Variants in CNTLN observed in about 807,000 individuals in gnomAD.
CNTLN encodes centlein, centrosomal protein.
CNTLN carries 212 observed loss-of-function variants against 180.0 expected under a neutral mutation model. The observed-to-expected ratio is 1.18, with a 90% confidence interval of 1.05 to 1.32. The LOEUF (loss-of-function observed/expected upper bound fraction) is 1.32. Among genes scored for constraint, CNTLN ranks in the 40% most tolerant of loss-of-function variants. CNTLN has a pLI of 0.00. For missense variants in CNTLN, 2,095 were observed against 1,610.9 expected, an observed-to-expected ratio of 1.30 and a Z score of -5.14; for synonymous variants, 722 against 563.1, an observed-to-expected ratio of 1.28 and a Z score of -3.99.
intron 13 of CNTLN, among the ~76,000 whole-genome samples, chr9:17,382,796 G>A (rs936309678): frequency 6.6e-6 from 1 of 151,994 alleles, no homozygotes. Flanking sequence ...CTCTTATTTA[G>A]TGACTTCTGC....
intron 18 of CNTLN, among the ~76,000 whole-genome samples, chr9:17,424,788 G>A: frequency 6.6e-6 from 1 of 152,184 alleles, no homozygotes; most frequent in East Asian, 1.9e-4. Flanking sequence ...GAGCTGACTG[G>A]CACACTCTTG....
At chr9:17,320,883 A>G (rs7028593) in intron 8 of CNTLN, among the ~76,000 whole-genome samples, 86,522 of 152,024 alleles carry the variant, frequency 0.57, 25,133 homozygotes, top group East Asian at 0.73. Flanking sequence ...GTCAAAGATT[A>G]TGAACCTAAG....
At chr9:17,294,569 C>T (rs980780880) in intron 6 of CNTLN, among the ~76,000 whole-genome samples, 1 of 150,426 alleles carries the variant, frequency 6.6e-6, no homozygotes, top group African/African-American at 2.5e-5. Context: ...CTTAGCTAGA[C>T]ATAAAGGTTC....
chr9:17,409,377 A>G lies in CNTLN; in HGVS notation c.2700A>G (p.Gly900=). The G allele has an allele frequency of 1.2e-6, 2 of 1,613,342 alleles. No individual in the cohort carries two copies. The highest frequency in any genetic ancestry group is 1.7e-6 in the Non-Finnish European group (2 of 1,179,468). Residue 900 remains glycine (G), a synonymous_variant, in exon 16 of 26, where the codon GGA becomes GGG. Coordinates refer to ENST00000380647, the MANE Select transcript of CNTLN (RefSeq NM_017738.4). ...AGAAAATAAGTCCTACGGAAGATGG[A>G]AAAGACCAGAAAGAAAGTGATCCAA... ...TSQKISPTED[G]KDQKESDPTE...
intron 18 of CNTLN, among the ~76,000 whole-genome samples, chr9:17,424,328 T>A (rs763040385): frequency 2.0e-5 from 3 of 152,196 alleles, no homozygotes; most frequent in Non-Finnish European, 4.4e-5. Flanking sequence ...GTGTTACTCA[T>A]AATTTAATTG....
chr9:17,264,355 G>A (rs1372779562), intron 5 of CNTLN, among the ~76,000 whole-genome samples: 2 of 151,704 alleles, frequency 1.3e-5, no homozygotes, highest in African/African-American at 4.9e-5. Context: ...GATAGTTGTA[G>A]ATATGCAGCG....
At chr9:17,362,214 C>G (rs1347392583) in intron 12 of CNTLN, among the ~76,000 whole-genome samples, 1 of 152,166 alleles carries the variant, frequency 6.6e-6, no homozygotes, top group East Asian at 1.9e-4. Context: ...ATCTGAGAGC[C>G]AAGGAAAACT....
At chr9:17,307,270 T>C (rs1177177893) in intron 7 of CNTLN, among the ~76,000 whole-genome samples, 2 of 140,272 alleles carry the variant, frequency 1.4e-5, no homozygotes, top group Non-Finnish European at 3.0e-5. Flanking sequence ...TATCGATAGA[T>C]AATTTTATTT....
chr9:17,387,463 A>G (rs1193988493), intron 13 of CNTLN, among the ~76,000 whole-genome samples: 1 of 152,136 alleles, frequency 6.6e-6, no homozygotes, highest in Non-Finnish European at 1.5e-5. Context: ...TTTAGTATTA[A>G]CTGAAGTTTT....
chr9:17,271,820 T>C (rs1434690870), intron 5 of CNTLN, among the ~76,000 whole-genome samples: 1 of 152,236 alleles, frequency 6.6e-6, no homozygotes, highest in Non-Finnish European at 1.5e-5. Context: ...CCATCAGCTT[T>C]GGCTGGATTA....
intron 13 of CNTLN, among the ~76,000 whole-genome samples, chr9:17,384,498 G>C (rs1304293110): frequency 6.6e-6 from 1 of 152,130 alleles, no homozygotes; most frequent in Non-Finnish European, 1.5e-5. Flanking sequence ...TCTCCAGAAA[G>C]AGGTGCCAAG....
At chr9:17,182,368 C>A (rs1040719678) in intron 2 of CNTLN, among the ~76,000 whole-genome samples, 1 of 151,984 alleles carries the variant, frequency 6.6e-6, no homozygotes, top group Non-Finnish European at 1.5e-5. Flanking sequence ...AAAGGAAAAC[C>A]CAGGGAACTT....
At chr9:17,291,101 TA>T (rs1829372293) in intron 6 of CNTLN, among the ~76,000 whole-genome samples, 1 of 152,206 alleles carries the variant, frequency 6.6e-6, no homozygotes, top group Admixed American at 6.5e-5. Context: ...AGTTTCCATG[TA>T]GTTGTGTGGT....
Position 17,394,863 on chromosome 9 carries a change from C to A in CNTLN, c.2409C>A (p.Asp803Glu). The change falls in exon 15 of 26, where the codon GAC (aspartate) becomes GAA (glutamate). Residue 803 changes from aspartate to glutamate, a missense_variant. Physicochemically the swap from Asp to Glu is conservative, Grantham distance 45. Transcript: ENST00000380647. ...NPMEKSHQSA[D>E]RAKSEMATMK... ...TGGAGAAATCACACCAGTCAGCAGACAGAGCTAAATCCGAGATGGCCACCA... is the reference window on the plus strand; with the variant it reads ...TGGAGAAATCACACCAGTCAGCAGAAAGAGCTAAATCCGAGATGGCCACCA... The A allele has an allele frequency of 1.2e-6, 2 of 1,613,962 alleles. No homozygotes were observed. The highest frequency in any genetic ancestry group is 1.7e-6 in the Non-Finnish European group (2 of 1,179,944).
the CNTLN span, among the ~76,000 whole-genome samples, chr9:17,514,682 T>C: frequency 1.3e-5 from 2 of 152,212 alleles, no homozygotes; most frequent in African/African-American, 4.8e-5. Context: ...GTGTACTGGT[T>C]TTTGAAGGGA....
At chr9:17,356,077 A>AAAAAAAG (rs1564023843) in intron 12 of CNTLN, among the ~76,000 whole-genome samples, 1 of 64,178 alleles carries the variant, frequency 1.6e-5, no homozygotes. Context: ...AAAAAAAAAA[A>AAAAAAAG]AAAAGAAAAA....
chr9:17,192,970 C>G (rs1047330645), intron 2 of CNTLN, among the ~76,000 whole-genome samples: 1 of 152,092 alleles, frequency 6.6e-6, no homozygotes, highest in Admixed American at 6.5e-5. Flanking sequence ...GCAAAAGGCA[C>G]TTCTTACTTG....
intron 2 of CNTLN, among the ~76,000 whole-genome samples, chr9:17,186,195 T>G (rs1821426275): frequency 6.6e-6 from 1 of 152,230 alleles, no homozygotes; most frequent in African/African-American, 2.4e-5. Flanking sequence ...CACATGTTCA[T>G]GCACACTGAG....
chr9:17,394,767 C>A lies in CNTLN; in HGVS notation c.2313C>A (p.Val771=), dbSNP rs750132021. The A allele has an allele frequency of 1.9e-6, 3 of 1,613,954 alleles. No homozygotes were observed. In the Admixed American group the frequency reaches 5.0e-5, roughly 27 times the overall value. The part of the protein sequence containing the change: ...QVKISELETE[V]TSLRRQVAEA... ...AAATCAGTGAGCTGGAGACAGAAGTCACTTCCCTGAGGAGACAAGTGGCAG... is the reference window on the plus strand; with the variant it reads ...AAATCAGTGAGCTGGAGACAGAAGTAACTTCCCTGAGGAGACAAGTGGCAG... Residue 771 remains valine, a synonymous_variant, in exon 15 of 26, where the codon GTC becomes GTA. Transcript: ENST00000380647.
Sources: allele counts gnomAD v4.1 joint callset (sites outside exome capture counted in the v4.1 genomes callset), GRCh38; gene constraint gnomAD v4.1.1; transcripts MANE v1.5; gene names NCBI Gene and HGNC (gene_info 2026-07-23, HGNC 2026-07-21).